Variants in SNX10 observed in about 807,000 individuals in gnomAD.
SNX10 encodes the protein sorting nexin-10.
SNX10 carries 25 observed loss-of-function variants against 28.5 expected under a neutral mutation model. The ratio of observed to expected loss-of-function variants is 0.88; its 90% CI spans 0.64 to 1.22. SNX10 has a LOEUF of 1.22. Ranked by LOEUF, SNX10 falls within the 50% of genes most tolerant of loss-of-function variation. The pLI is 0.00. For missense variants in SNX10, 223 were observed against 242.6 expected (o/e 0.92, Z 0.54); for synonymous variants, 62 against 81.4 (o/e 0.76, Z 1.28).
At chr7:26,368,287 G>A (rs1789375274) in intron 5 of SNX10, among the ~76,000 whole-genome samples, 1 of 152,146 alleles carries the variant, frequency 6.6e-6, no homozygotes, top group Non-Finnish European at 1.5e-5. Flanking sequence ...ACTCTTAAAT[G>A]CTGGCTAAAT....
At chr7:26,323,899 G>GTTATT (rs1454095824) in intron 1 of SNX10, among the ~76,000 whole-genome samples, 5 of 152,324 alleles carry the variant, frequency 3.3e-5, no homozygotes, top group Admixed American at 6.5e-5. Context: ...AAGCAAATCA[G>GTTATT]TGCTCCGTAA....
At chr7:26,313,111 TG>T (rs1203369220) in intron 1 of SNX10, among the ~76,000 whole-genome samples, 4 of 152,198 alleles carry the variant, frequency 2.6e-5, no homozygotes, top group Admixed American at 6.5e-5. Context: ...TGGGTGCTGG[TG>T]AAATGAAGTG....
chr7:26,331,167 TA>T (rs60045434), intron 1 of SNX10, among the ~76,000 whole-genome samples: 31,278 of 117,054 alleles, frequency 0.27, 3,763 homozygotes, highest in South Asian at 0.47. Flanking sequence ...AAAAGAGAAC[TA>T]AAAAAAAAAA....
chr7:26,293,890 A>C (rs1786015644), intron 1 of SNX10, among the ~76,000 whole-genome samples: 1 of 152,234 alleles, frequency 6.6e-6, no homozygotes, highest in Non-Finnish European at 1.5e-5. Flanking sequence ...TTAATCAAAG[A>C]GTAACGTTGG....
chr7:26,317,537 G>A (rs1400234303), intron 1 of SNX10, among the ~76,000 whole-genome samples: 1 of 151,966 alleles, frequency 6.6e-6, no homozygotes, highest in Non-Finnish European at 1.5e-5. Context: ...TGGGAACTTA[G>A]AAGAGACACT....
intron 1 of SNX10, among the ~76,000 whole-genome samples, chr7:26,338,575 G>A (rs1045354912): frequency 6.6e-6 from 1 of 152,080 alleles, no homozygotes; most frequent in Non-Finnish European, 1.5e-5. Flanking sequence ...CTAATTTTTT[G>A]TATTTTTAGT....
Position 26,302,221 on chromosome 7 carries a change from G to T in SNX10, c.-24+10135G>T, listed in dbSNP as rs567815876. On this transcript the variant is annotated intron_variant, in intron 1 of 6. Coordinates refer to ENST00000338523, the MANE Select transcript of SNX10 (RefSeq NM_013322.3). ...TTTATGCTTCCTTGATTCTGCAAAG[G>T]TCCCTTTAGCATGTGGTCAAAGTTC... Among the ~76,000 whole-genome samples the T allele has an allele frequency of 1.3e-4, 19 of 151,968 alleles. No homozygotes were observed. In the East Asian group the frequency reaches 2.3e-3, roughly 19 times the overall value.
chr7:26,361,224 A>G (rs1789053558), intron 3 of SNX10, among the ~76,000 whole-genome samples, 163 bp downstream of exon 3: 1 of 152,196 alleles, frequency 6.6e-6, no homozygotes, highest in Admixed American at 6.5e-5. Flanking sequence ...GATGGTTCCT[A>G]AAGTTGAAAA....
At chr7:26,335,141 A>G (rs1176568571) in intron 1 of SNX10, among the ~76,000 whole-genome samples, 1 of 152,234 alleles carries the variant, frequency 6.6e-6, no homozygotes, top group African/African-American at 2.4e-5. Flanking sequence ...AAGTGGCCCC[A>G]GGCAGGCCTG....
At chr7:26,339,004 A>G (rs112021169) in intron 1 of SNX10, among the ~76,000 whole-genome samples, 80 of 152,344 alleles carry the variant, frequency 5.3e-4, no homozygotes, top group African/African-American at 1.8e-3. Context: ...GCCAGAGACT[A>G]CATGGCCCCT....
At chr7:26,335,617 A>G (rs1396979941) in intron 1 of SNX10, among the ~76,000 whole-genome samples, 1 of 152,142 alleles carries the variant, frequency 6.6e-6, no homozygotes, top group African/African-American at 2.4e-5. Flanking sequence ...GGGCCCTGGC[A>G]CCACCACAGA....
At chr7:26,297,024 C>T (rs976708245) in intron 1 of SNX10, among the ~76,000 whole-genome samples, 3 of 152,030 alleles carry the variant, frequency 2.0e-5, no homozygotes, top group Non-Finnish European at 4.4e-5. Context: ...AAAGTAAATT[C>T]CATTTAAAGA....
intron 2 of SNX10, among the ~76,000 whole-genome samples, chr7:26,348,242 C>G (rs1362293454): frequency 6.6e-6 from 1 of 152,144 alleles, no homozygotes; most frequent in Non-Finnish European, 1.5e-5. Flanking sequence ...TTTTTTCCAT[C>G]TCATTTTAAG....
intron 2 of SNX10, among the ~76,000 whole-genome samples, chr7:26,354,701 A>T (rs1200504407): frequency 8.2e-5 from 2 of 24,292 alleles, no homozygotes; most frequent in Non-Finnish European, 2.5e-4. Context: ...TTTTTTTTTA[A>T]AATATATTCT....
At chr7:26,322,367 G>T (rs1202928447) in intron 1 of SNX10, among the ~76,000 whole-genome samples, 1 of 152,152 alleles carries the variant, frequency 6.6e-6, no homozygotes, top group African/African-American at 2.4e-5. Flanking sequence ...TTTTATAAAA[G>T]AAAGAATATT....
rs111382162 is a variant in SNX10 at position 26,321,775 on chromosome 7, G to GT, written c.-23-24634dup. Among the ~76,000 whole-genome samples, 1,130 of 147,282 alleles carry GT rather than the reference G, an allele frequency of 7.7e-3. 5 individuals are homozygous for GT. Among genetic ancestry groups the GT allele is most frequent in the African/African-American group, 0.013 (544 of 40,384 alleles). ...ATCATTAAATTTTTTCACTTTACCAGTTTTTTTTTTTCCTTAAGAGATGGG... is the reference window on the plus strand; with the variant it reads ...ATCATTAAATTTTTTCACTTTACCAGTTTTTTTTTTTTCCTTAAGAGATGGG... On this transcript the variant is annotated intron_variant, in intron 1 of 6. Coordinates refer to ENST00000338523, the MANE Select transcript of SNX10 (RefSeq NM_013322.3).
intron 1 of SNX10, among the ~76,000 whole-genome samples, chr7:26,310,437 T>A (rs1352857488): frequency 1.3e-5 from 2 of 152,102 alleles, no homozygotes; most frequent in Non-Finnish European, 2.9e-5. Context: ...GAAAATAGAT[T>A]AATAGATAAA....
At chr7:26,360,868 G>T in intron 2 of SNX10, 107 bp from the exon 3 acceptor site, 1 of 1,539,102 alleles carries the variant, frequency 6.5e-7, no homozygotes, top group South Asian at 1.2e-5. Flanking sequence ...GTACCACATT[G>T]GTTAAAGCTC....
Position 26,364,419 on chromosome 7 carries a change from G to A in SNX10, c.112-116G>A, listed in dbSNP as rs1789208181. 4 of 1,408,124 alleles carry A rather than the reference G, an allele frequency of 2.8e-6. No individual in the cohort carries two copies. Among genetic ancestry groups the A allele is most frequent in the Admixed American group, 5.7e-5 (2 of 34,854 alleles). 87.2% of individuals were successfully genotyped at this position (1,408,124 alleles called of 1,614,324 possible). Reference sequence around the variant, plus strand: ...AGTACTGGCATAAATATAAATATATGTTTGGTGGTTTAAATCCTATTTAGA... The same window carrying A: ...AGTACTGGCATAAATATAAATATATATTTGGTGGTTTAAATCCTATTTAGA... On this transcript the variant is annotated intron_variant, in intron 3 of 6. Coordinates refer to ENST00000338523, the MANE Select transcript of SNX10 (RefSeq NM_013322.3). This position sits in a 1 kb window ranked among gnomAD's most constrained non-coding sequence, Gnocchi z 4.9.
Sources: allele counts gnomAD v4.1 joint callset (sites outside exome capture counted in the v4.1 genomes callset), GRCh38; gene constraint gnomAD v4.1.1; non-coding constraint Gnocchi (gnomAD v3.1); transcripts MANE v1.5; gene names NCBI Gene and HGNC (gene_info 2026-07-23, HGNC 2026-07-21).